MACROD2: variants seen among roughly 807,000 people sequenced by gnomAD.
MACROD2 encodes mono-ADP ribosylhydrolase 2, also known as ADP-ribose glycohydrolase MACROD2.
Under a neutral mutation model 70.4 loss-of-function variants are expected in MACROD2, and 36 were observed. The observed-to-expected ratio is 0.51, with a 90% CI of 0.39 to 0.68. The LOEUF is 0.68. Ranked by LOEUF, MACROD2 falls within the 30% of genes least tolerant of loss-of-function variation. MACROD2 has a pLI of 0.00. For missense variants in MACROD2, 496 were observed against 538.4 expected (o/e 0.92, Z 0.78); for synonymous variants, 172 against 178.8 (o/e 0.96, Z 0.30).
chr20:14,649,713 A>G (rs1568719509), intron 4 of MACROD2, among the ~76,000 whole-genome samples: 1 of 152,174 alleles, frequency 6.6e-6, no homozygotes, highest in Non-Finnish European at 1.5e-5. Context: ...ATATTCAGCT[A>G]TATCTCTGTA....
At chr20:14,407,175 A>ATTTTCAT (rs1342468433) in intron 3 of MACROD2, among the ~76,000 whole-genome samples, 3 of 150,486 alleles carry the variant, frequency 2.0e-5, no homozygotes, top group Non-Finnish European at 4.4e-5. Context: ...TGTAGATTTA[A>ATTTTCAT]TTTTCATTTA....
intron 5 of MACROD2, among the ~76,000 whole-genome samples, chr20:14,696,875 G>A (rs1379184423): frequency 1.3e-5 from 2 of 152,056 alleles, no homozygotes; most frequent in Non-Finnish European, 1.5e-5. Flanking sequence ...TTGTCCTTCC[G>A]TACTGGGCTG....
At chr20:14,070,170 G>T (rs2148660492) in intron 2 of MACROD2, among the ~76,000 whole-genome samples, 1 of 152,274 alleles carries the variant, frequency 6.6e-6, no homozygotes, top group Middle Eastern at 3.4e-3. Flanking sequence ...AAGCTTTGAA[G>T]ATGTAGCCCA....
At position 15,165,681 on chromosome 20, in the gene MACROD2, AT is replaced by A. The variant is rs200980178; in HGVS notation, c.419-64256del. Among the ~76,000 whole-genome samples the A allele has an allele frequency of 5.6e-4, 86 of 152,344 alleles. 1 individual carries two copies. The East Asian group carries it at 0.016, about 28-fold the overall frequency. ...AAACTTTCAAAATCATTTCAGGATT[AT>A]TTCATAAAATCATTCCAAAAATATG... is the stretch of plus-strand genomic sequence containing the variant. On this transcript the variant is annotated intron_variant, in intron 5 of 17. Coordinates refer to ENST00000684519, the MANE Select transcript of MACROD2 (RefSeq NM_001351661.2).
At chr20:14,317,078 C>A (rs1398697601) in intron 3 of MACROD2, among the ~76,000 whole-genome samples, 1 of 152,114 alleles carries the variant, frequency 6.6e-6, no homozygotes, top group Non-Finnish European at 1.5e-5. Context: ...CACCTGAATT[C>A]TTCTAATCCT....
At chr20:15,085,899 C>CAT (rs2075745272) in intron 5 of MACROD2, among the ~76,000 whole-genome samples, 1 of 151,410 alleles carries the variant, frequency 6.6e-6, no homozygotes, top group African/African-American at 2.4e-5. Context: ...CACACACACA[C>CAT]ACACACACAC....
intron 10 of MACROD2, among the ~76,000 whole-genome samples, chr20:15,889,669 G>A (rs1022638278): frequency 7.2e-5 from 11 of 152,090 alleles, no homozygotes; most frequent in Admixed American, 1.3e-4. Flanking sequence ...TTCCTTAATG[G>A]CAAATGTTTT....
intron 6 of MACROD2, among the ~76,000 whole-genome samples, chr20:15,247,369 A>G (rs959113095): frequency 6.6e-6 from 1 of 152,194 alleles, no homozygotes; most frequent in African/African-American, 2.4e-5. Context: ...GAGAGTTTGC[A>G]TGAAAAGTCA....
At chr20:14,119,139 C>T (rs1419438723) in intron 3 of MACROD2, among the ~76,000 whole-genome samples, 13 of 145,624 alleles carry the variant, frequency 8.9e-5, no homozygotes, top group African/African-American at 1.0e-4. Context: ...TGAGCCACCG[C>T]GCCTGGCCAA....
intron 4 of MACROD2, among the ~76,000 whole-genome samples, chr20:14,553,695 A>G (rs1290419415): frequency 6.6e-6 from 1 of 152,136 alleles, no homozygotes; most frequent in East Asian, 1.9e-4. Flanking sequence ...GCAGTCCATC[A>G]ATGATCAAAA....
intron 5 of MACROD2, among the ~76,000 whole-genome samples, chr20:14,832,969 A>G (rs1405171527): frequency 6.6e-6 from 1 of 152,130 alleles, no homozygotes; most frequent in African/African-American, 2.4e-5. Context: ...TGCCTATCTA[A>G]GTAGCACTGT....
chr20:14,100,737 AAATAT>A (rs1450521826), intron 3 of MACROD2, among the ~76,000 whole-genome samples: 2 of 138,894 alleles, frequency 1.4e-5, no homozygotes, highest in South Asian at 2.1e-4. Context: ...TAATATATAT[AAATAT>A]AATATATAAT....
intron 8 of MACROD2, among the ~76,000 whole-genome samples, chr20:15,652,684 C>G (rs964073783): frequency 2.0e-5 from 3 of 151,882 alleles, no homozygotes; most frequent in Admixed American, 6.6e-5. Flanking sequence ...GTGAATGCCA[C>G]AAGTCTATTT....
At chr20:15,423,411 A>G (rs1257544323) in intron 6 of MACROD2, among the ~76,000 whole-genome samples, 1 of 152,254 alleles carries the variant, frequency 6.6e-6, no homozygotes, top group African/African-American at 2.4e-5. Flanking sequence ...CAAGTCTATC[A>G]TCAGCGGGAT....
At chr20:16,003,722 G>A (rs1413290559) in intron 15 of MACROD2, among the ~76,000 whole-genome samples, 1 of 152,124 alleles carries the variant, frequency 6.6e-6, no homozygotes, top group Non-Finnish European at 1.5e-5. Context: ...CCAGGCTGGA[G>A]TGCAGTGGCG....
chr20:14,799,821 A>T (rs1177474300), intron 5 of MACROD2, among the ~76,000 whole-genome samples: 1 of 152,088 alleles, frequency 6.6e-6, no homozygotes, highest in Admixed American at 6.6e-5. Flanking sequence ...ATTTGCAACA[A>T]AAAGCCATTA....
At chr20:16,003,117 CACACAA>C (rs1192950699) in intron 15 of MACROD2, among the ~76,000 whole-genome samples, 146 of 142,224 alleles carry the variant, frequency 1.0e-3, no homozygotes, top group Middle Eastern at 7.8e-3. Context: ...CACACACACA[CACACAA>C]ACAATCTCTA....
At chr20:14,298,179 G>A (rs1328950474) in intron 3 of MACROD2, among the ~76,000 whole-genome samples, 4 of 151,912 alleles carry the variant, frequency 2.6e-5, no homozygotes, top group African/African-American at 9.7e-5. Flanking sequence ...ATGGAGATGT[G>A]CGAGAAGATT....
In MACROD2 at chr20:15,478,972, T is replaced by C. The variant is rs548577266; in HGVS notation, c.572-20802T>C. On this transcript the variant is annotated intron_variant, in intron 7 of 17. Transcript: ENST00000684519. ...GCAGATAAATCAACACAAAAAGAGATGAACATTGCAGGCAGTGCTGATGTC... is the reference window on the plus strand; with the variant it reads ...GCAGATAAATCAACACAAAAAGAGACGAACATTGCAGGCAGTGCTGATGTC... 5.3e-5 allele frequency among the ~76,000 whole-genome samples: 8 copies of C among 152,278 alleles called. No individual in the cohort carries two copies. The South Asian group carries it at 1.2e-3, about 24-fold the overall frequency.
Sources: gnomAD v4.1 joint callset for allele counts (sites outside exome capture counted in the v4.1 genomes callset) on GRCh38, gnomAD v4.1.1 for gene constraint, MANE v1.5 for transcripts, NCBI Gene and HGNC (gene_info 2026-07-23, HGNC 2026-07-21) for gene names.